The following TAOK3 variants were observed in gnomAD, a reference collection of about 807,000 sequenced individuals.
TAOK3 encodes serine/threonine-protein kinase TAO3.
In TAOK3, 40 loss-of-function variants were observed where a neutral mutation model predicts 120.4. The observed-to-expected ratio is 0.33, with a 90% confidence interval of 0.26 to 0.43. TAOK3 has a LOEUF of 0.43. Ranked by LOEUF, TAOK3 falls within the 20% of genes least tolerant of loss-of-function variation. TAOK3 has a pLI of 1.00. For missense variants in TAOK3, 821 were observed against 1,112.1 expected, an observed-to-expected ratio of 0.74 and a Z score of 3.72; for synonymous variants, 355 against 387.5, an observed-to-expected ratio of 0.92 and a Z score of 0.99.
At chr12:118,314,928 CTTTT>C (rs913291664) in intron 1 of TAOK3, among the ~76,000 whole-genome samples, 2 of 143,460 alleles carry the variant, frequency 1.4e-5, no homozygotes, top group African/African-American at 2.5e-5. Context: ...TTTTCTTTTT[CTTTT>C]TTTTTTTTAA....
At chr12:118,241,885 C>T (rs1430058882) in intron 5 of TAOK3, among the ~76,000 whole-genome samples, 4 of 151,780 alleles carry the variant, frequency 2.6e-5, no homozygotes, top group Non-Finnish European at 4.4e-5. Flanking sequence ...CCGAGGTGGG[C>T]GGATCACCTG....
At chr12:118,354,967 G>C (rs143672861) in intron 1 of TAOK3, among the ~76,000 whole-genome samples, 134 of 152,166 alleles carry the variant, frequency 8.8e-4, no homozygotes, top group African/African-American at 3.1e-3. Context: ...GCCAAGGCAG[G>C]AGGGTCCCTT....
intron 1 of TAOK3, among the ~76,000 whole-genome samples, chr12:118,336,750 A>G (rs2044382438): frequency 6.6e-6 from 1 of 152,190 alleles, no homozygotes; most frequent in Non-Finnish European, 1.5e-5. Flanking sequence ...CCAACAGTAA[A>G]TTACAGCAAA....
chr12:118,356,488 C>T (rs759066396), intron 1 of TAOK3, among the ~76,000 whole-genome samples: 18 of 151,840 alleles, frequency 1.2e-4, no homozygotes, highest in Middle Eastern at 6.8e-3. Flanking sequence ...TCAGTAGAGA[C>T]GGGGCTTCAC....
chr12:118,151,502 C>G (rs1346966951), intron 20 of TAOK3, among the ~76,000 whole-genome samples: 1 of 152,154 alleles, frequency 6.6e-6, no homozygotes, highest in Non-Finnish European at 1.5e-5. Context: ...GGGGATGGCT[C>G]ATGAGAAGCT....
intron 12 of TAOK3, chr12:118,200,325 T>A (rs1448068688): frequency 6.6e-6 from 1 of 152,148 alleles, no homozygotes; most frequent in Non-Finnish European, 1.5e-5. Flanking sequence ...TTTAACTATA[T>A]CCCTTTCTTC....
chr12:118,205,284 T>C (rs556362691), intron 11 of TAOK3, among the ~76,000 whole-genome samples: 4 of 151,886 alleles, frequency 2.6e-5, no homozygotes, highest in Non-Finnish European at 5.9e-5. Context: ...CGAGAATCAA[T>C]TGAGTCTGGG....
rs552368855 is a variant in TAOK3, at chr12:118,361,242, C to T, written c.-194+11406G>A. Among the ~76,000 whole-genome samples, 28 of 152,214 alleles carry T rather than the reference C, an allele frequency of 1.8e-4. 1 individual carries two copies. The highest frequency in any genetic ancestry group is 6.8e-3 in the Middle Eastern group (2 of 294). ...ATGTCATCAAGCTTCCACTAGACTT[C>T]GTTACAGTGAACAGAGTTTTCTTAG... On this transcript the variant is annotated intron_variant, in intron 1 of 20. Transcript: ENST00000392533.
rs191149971 is a variant in TAOK3 at position 118,193,499 on chromosome 12, C to T, written c.1195-3558G>A. ...GAGGCACACAAACTTTACTATTATA[C>T]CTTAGACAAGGGGCTTTCCTTTTAT... On this transcript the variant is annotated intron_variant, in intron 13 of 20. Transcript: ENST00000392533. Among the ~76,000 whole-genome samples the T allele has an allele frequency of 2.0e-4, 30 of 152,304 alleles. No homozygotes were observed. In the South Asian group the frequency reaches 3.3e-3, roughly 17 times the overall value.
intron 1 of TAOK3, among the ~76,000 whole-genome samples, chr12:118,315,311 A>G (rs1158614317): frequency 6.6e-6 from 1 of 152,256 alleles, no homozygotes; most frequent in Non-Finnish European, 1.5e-5. Context: ...CATGTGATGT[A>G]ATGCCATGTT....
At position 118,150,370 on chromosome 12, in the gene TAOK3, AC is replaced by A. The variant is rs1461859834; in HGVS notation, c.*626del. 6.6e-6 allele frequency: 1 copy of A among 150,932 alleles called. No individual in the cohort carries two copies. The highest frequency in any genetic ancestry group is 1.5e-5 in the Non-Finnish European group (1 of 67,650). The allele number at this position is 150,932 out of a possible 1,614,324, so 9.3% of individuals were successfully genotyped here. ...TTCTTAAAAATCACAAGATCTCTTC[AC>A]CCCACCCACCCCCCGTCCCCAAAAA... On this transcript the variant is annotated 3_prime_UTR_variant, in exon 21 of 21. Coordinates refer to ENST00000392533, the MANE Select transcript of TAOK3 (RefSeq NM_016281.4).
At position 118,151,320 on chromosome 12, in the gene TAOK3, G is replaced by C. The variant is rs1290391291; in HGVS notation, c.2536-162C>G. Among the ~76,000 whole-genome samples, 12 of 144,494 alleles carry C rather than the reference G, an allele frequency of 8.3e-5. No homozygotes were observed. In the East Asian group the frequency reaches 2.1e-3, roughly 26 times the overall value. 94.8% of individuals were successfully genotyped at this position (144,494 alleles called of 152,430 possible). On this transcript the variant is annotated intron_variant, in intron 20 of 20. Coordinates refer to ENST00000392533, the MANE Select transcript of TAOK3 (RefSeq NM_016281.4). ...ACACACACACACACACACACACACA[G>C]GAACTACGGGAGGACCGAGGAAGGC... is the stretch of plus-strand genomic sequence containing the variant.
chr12:118,263,373 A>G (rs951702888), intron 2 of TAOK3, among the ~76,000 whole-genome samples: 1 of 152,234 alleles, frequency 6.6e-6, no homozygotes, highest in Non-Finnish European at 1.5e-5. Context: ...ATGTAAATCT[A>G]CAATAATAAA....
chr12:118,305,251 C>T (rs930315225), intron 1 of TAOK3, among the ~76,000 whole-genome samples: 17 of 151,970 alleles, frequency 1.1e-4, no homozygotes, highest in Non-Finnish European at 1.6e-4. Flanking sequence ...GAGGCTGAGG[C>T]GGGAGGATTG....
rs548790561 is a variant in TAOK3, at chr12:118,342,865, C to A, written c.-194+29783G>T. Among the ~76,000 whole-genome samples the A allele has an allele frequency of 3.4e-5, 5 of 147,558 alleles. No homozygotes were observed. In the East Asian group the frequency reaches 1.0e-3, roughly 30 times the overall value. On this transcript the variant is annotated intron_variant, in intron 1 of 20. Coordinates refer to ENST00000392533, the MANE Select transcript of TAOK3 (RefSeq NM_016281.4). ...AGGAGGATCACTTGCATCTGGGAGG[C>A]CAAGGTTACAGTGAGTGGCGATCCT...
intron 5 of TAOK3, among the ~76,000 whole-genome samples, chr12:118,240,438 C>CA (rs1239782777): frequency 6.6e-6 from 1 of 152,068 alleles, no homozygotes; most frequent in Non-Finnish European, 1.5e-5. Flanking sequence ...CTCAGCCTCC[C>CA]AAAGTGTTGG....
intron 1 of TAOK3, among the ~76,000 whole-genome samples, chr12:118,336,156 G>T (rs993727882): frequency 3.3e-5 from 5 of 152,162 alleles, no homozygotes; most frequent in African/African-American, 1.2e-4. Context: ...TGAAAAGGAA[G>T]AATATGAGGA....
intron 1 of TAOK3, among the ~76,000 whole-genome samples, chr12:118,291,462 G>A (rs1022660751): frequency 6.6e-6 from 1 of 151,814 alleles, no homozygotes; most frequent in African/African-American, 2.4e-5. Context: ...TGCCCAGCGG[G>A]GTTTTTACTT....
intron 1 of TAOK3, among the ~76,000 whole-genome samples, chr12:118,345,423 C>A (rs1484446013): frequency 6.6e-6 from 1 of 151,916 alleles, no homozygotes; most frequent in African/African-American, 2.4e-5. Flanking sequence ...ATAAACAAAT[C>A]CTGAACAGGC....
Sources: gnomAD v4.1 joint callset for allele counts (sites outside exome capture counted in the v4.1 genomes callset) on GRCh38, gnomAD v4.1.1 for gene constraint, MANE v1.5 for transcripts, NCBI Gene and HGNC (gene_info 2026-07-23, HGNC 2026-07-21) for gene names.